OSBP: variants seen among roughly 807,000 people sequenced by gnomAD.
The protein encoded by OSBP is oxysterol-binding protein 1.
In OSBP, 32 loss-of-function variants were observed where a neutral mutation model predicts 96.6. The observed-to-expected ratio is 0.33, with a 90% CI of 0.25 to 0.45. The LOEUF is 0.45. OSBP is among the 20% of genes least tolerant of loss of function. The pLI is 1.00. For missense variants in OSBP, 653 were observed against 1,029.7 expected (o/e 0.63, Z 5.01); for synonymous variants, 369 against 389.6 (o/e 0.95, Z 0.62).
At chr11:59,583,855 G>A (rs1395326714) in intron 9 of OSBP, among the ~76,000 whole-genome samples, 3 of 150,360 alleles carry the variant, frequency 2.0e-5, no homozygotes, top group Admixed American at 6.6e-5. Context: ...GGCCAGGCTG[G>A]TCTCAAACTA....
chr11:59,610,852 A>G (rs539856823), intron 1 of OSBP, among the ~76,000 whole-genome samples: 4 of 151,196 alleles, frequency 2.6e-5, no homozygotes, highest in Non-Finnish European at 5.9e-5. Flanking sequence ...CCTTTTAGAA[A>G]TAGGCTTTAC....
rs1860338678 is a variant in OSBP, at chr11:59,574,566, GA to G, written c.*2010del. 1 of 152,544 alleles carries G rather than the reference GA, an allele frequency of 6.6e-6. No individual in the cohort carries two copies. Among genetic ancestry groups the G allele is most frequent in the African/African-American group, 2.4e-5 (1 of 41,420 alleles). The allele number at this position is 152,544 out of a possible 1,614,324, so 9.4% of individuals were successfully genotyped here. On this transcript the variant is annotated 3_prime_UTR_variant, in exon 14 of 14. Coordinates refer to ENST00000263847, the MANE Select transcript of OSBP (RefSeq NM_002556.3). ...GCGGGAATCTGATTGGGATCAGCCA[GA>G]AATGTAGTGCAGATGGTGAAGGAAG...
chr11:59,612,735 T>C (rs536583772), intron 1 of OSBP, among the ~76,000 whole-genome samples: 7 of 152,326 alleles, frequency 4.6e-5, no homozygotes, highest in African/African-American at 1.2e-4. Flanking sequence ...TGGTATTTTC[T>C]GGCCAGAAAG....
At chr11:59,578,744 G>A (rs1212846041) in intron 11 of OSBP, among the ~76,000 whole-genome samples, 3 of 152,168 alleles carry the variant, frequency 2.0e-5, no homozygotes, top group Admixed American at 2.0e-4. Flanking sequence ...GAGCCACCAT[G>A]CCTGGCCTCA....
intron 1 of OSBP, among the ~76,000 whole-genome samples, chr11:59,614,599 C>A (rs1860897611): frequency 6.6e-6 from 1 of 152,128 alleles, no homozygotes; most frequent in Admixed American, 6.5e-5. Flanking sequence ...TCCTAACTAA[C>A]CAAAAAATCA....
Position 59,594,277 on chromosome 11 carries a change from T to C in OSBP, c.1312-22A>G, listed in dbSNP as rs150171147. On this transcript the variant is annotated intron_variant, in intron 7 of 13. Transcript: ENST00000263847. Reference sequence around the variant, plus strand: ...TTACCTGTAAGGAGAAGAACAGATATAAAAACTATGCTCACTCATCTATAA... The same window carrying C: ...TTACCTGTAAGGAGAAGAACAGATACAAAAACTATGCTCACTCATCTATAA... 303 of 1,611,298 alleles carry C rather than the reference T, an allele frequency of 1.9e-4. 2 individuals are homozygous for C. In the African/African-American group the frequency reaches 2.7e-3, roughly 14 times the overall value.
intron 9 of OSBP, among the ~76,000 whole-genome samples, chr11:59,585,695 T>C (rs566034971): frequency 2.6e-5 from 4 of 152,222 alleles, no homozygotes; most frequent in Non-Finnish European, 5.9e-5. Flanking sequence ...GAACTGGCCA[T>C]GATGACAATG....
intron 10 of OSBP, among the ~76,000 whole-genome samples, chr11:59,581,104 AT>A (rs1302699481): frequency 1.1e-4 from 17 of 152,340 alleles, no homozygotes; most frequent in Non-Finnish European, 1.8e-4. Flanking sequence ...CAGACTTTGT[AT>A]CCCCAGGACC....
intron 9 of OSBP, among the ~76,000 whole-genome samples, chr11:59,581,813 C>T (rs975706243): frequency 2.7e-4 from 41 of 152,294 alleles, no homozygotes; most frequent in African/African-American, 8.4e-4. Context: ...TTAGCTAGGA[C>T]GCTGTGTTCT....
chr11:59,577,141 G>T, intron 12 of OSBP, 116 bp from the exon 13 acceptor site: 1 of 814,378 alleles, frequency 1.2e-6, no homozygotes, highest in Non-Finnish European at 1.9e-6. Flanking sequence ...TACAAAAACA[G>T]GATCTGTGAA....
At chr11:59,599,810 T>C (rs1860697623) in intron 7 of OSBP, among the ~76,000 whole-genome samples, 1 of 152,110 alleles carries the variant, frequency 6.6e-6, no homozygotes, top group South Asian at 2.1e-4. Context: ...CTGAAGGAAA[T>C]CCTAATGACT....
At chr11:59,612,870 T>C (rs1038333520) in intron 1 of OSBP, among the ~76,000 whole-genome samples, 2 of 152,318 alleles carry the variant, frequency 1.3e-5, no homozygotes, top group South Asian at 2.1e-4. Flanking sequence ...TTTTAAGTAA[T>C]GGGACATCTA....
At chr11:59,613,850 A>T (rs1167756660) in intron 1 of OSBP, among the ~76,000 whole-genome samples, 2 of 152,140 alleles carry the variant, frequency 1.3e-5, no homozygotes, top group Non-Finnish European at 2.9e-5. Flanking sequence ...CCTGCCAACA[A>T]CCTCCAACTC....
chr11:59,587,741 C>T (rs1160892685), intron 9 of OSBP, among the ~76,000 whole-genome samples: 1 of 152,156 alleles, frequency 6.6e-6, no homozygotes, highest in African/African-American at 2.4e-5. Flanking sequence ...AATGTATAAC[C>T]ATTGTCGAAG....
At chr11:59,600,996 T>C in intron 5 of OSBP, 123 bp from the exon 6 acceptor site, 2 of 788,094 alleles carry the variant, frequency 2.5e-6, no homozygotes, top group Non-Finnish European at 4.3e-6. Flanking sequence ...GGTGATCAAA[T>C]GACGACATTT....
intron 9 of OSBP, among the ~76,000 whole-genome samples, chr11:59,585,790 T>C (rs368797380): frequency 1.3e-5 from 2 of 152,192 alleles, no homozygotes; most frequent in Non-Finnish European, 2.9e-5. Flanking sequence ...GAAAGAAGTA[T>C]ACATGGGAGA....
intron 9 of OSBP, among the ~76,000 whole-genome samples, chr11:59,583,503 T>C (rs1282942150): frequency 6.6e-6 from 1 of 152,034 alleles, no homozygotes; most frequent in Non-Finnish European, 1.5e-5. Flanking sequence ...TCAATGATAA[T>C]AACAGCCACT....
At chr11:59,611,697 A>G (rs1395016426) in intron 1 of OSBP, among the ~76,000 whole-genome samples, 1 of 152,178 alleles carries the variant, frequency 6.6e-6, no homozygotes, top group African/African-American at 2.4e-5. Flanking sequence ...GGGAACTCCT[A>G]AGCCGTCTAT....
intron 9 of OSBP, among the ~76,000 whole-genome samples, chr11:59,584,533 C>T (rs188438910): frequency 5.9e-5 from 9 of 152,008 alleles, no homozygotes; most frequent in East Asian, 3.9e-4. Flanking sequence ...GAATGAAGGG[C>T]GAAAAAACAC....
Sources: allele counts gnomAD v4.1 joint callset (sites outside exome capture counted in the v4.1 genomes callset), GRCh38; gene constraint gnomAD v4.1.1; transcripts MANE v1.5; gene names NCBI Gene and HGNC (gene_info 2026-07-23, HGNC 2026-07-21).